Variants in FEZ2 observed in about 807,000 individuals in gnomAD.
FEZ2 encodes the protein fasciculation and elongation protein zeta 2.
Under a neutral mutation model 40.4 loss-of-function variants are expected in FEZ2, and 51 were observed. The observed-to-expected ratio is 1.26, with a 90% CI of 1.01 to 1.59. The LOEUF is 1.59. FEZ2 is among the 40% of genes most tolerant of loss of function. The pLI, the probability that FEZ2 is intolerant of heterozygous loss-of-function variation, is 0.00. For missense variants in FEZ2, 640 were observed against 438.3 expected (o/e 1.46, Z -4.11); for synonymous variants, 242 against 172.0 (o/e 1.41, Z -3.18).
At chr2:36,582,073 C>T (rs1668766087) in intron 3 of FEZ2, among the ~76,000 whole-genome samples, 1 of 152,096 alleles carries the variant, frequency 6.6e-6, no homozygotes, top group African/African-American at 2.4e-5. Context: ...TGACTTTAAA[C>T]AATGATCTAC....
intron 5 of FEZ2, among the ~76,000 whole-genome samples, chr2:36,562,619 T>G (rs1268274098): frequency 6.6e-6 from 1 of 152,246 alleles, no homozygotes; most frequent in African/African-American, 2.4e-5. Flanking sequence ...AAAGCATAAC[T>G]ATTAGCTTTG....
Position 36,578,397 on chromosome 2 carries a change from G to A in FEZ2, c.903+200C>T, listed in dbSNP as rs530262724. 1.7e-4 allele frequency among the ~76,000 whole-genome samples: 26 copies of A among 152,268 alleles called. No homozygotes were observed. The South Asian group carries it at 5.4e-3, about 32-fold the overall frequency. On this transcript the variant is annotated intron_variant, in intron 5 of 7. Transcript: ENST00000405912. ...CATTTCAGTATTATTCAGATAACCA[G>A]TACACCCTAGTCAAGAAAACGACTT... is the stretch of plus-strand genomic sequence containing the variant.
intron 1 of FEZ2, among the ~76,000 whole-genome samples, chr2:36,596,890 A>G (rs915259770): frequency 9.2e-5 from 14 of 152,260 alleles, no homozygotes; most frequent in Middle Eastern, 3.4e-3. Context: ...AAACCATGGT[A>G]CCTAATTACA....
chr2:36,594,478 G>A (rs1029802932), intron 1 of FEZ2: 7 of 199,050 alleles, frequency 3.5e-5, no homozygotes, highest in South Asian at 2.2e-4. Context: ...CTTACATGGC[G>A]GCAGCAAGGG....
At chr2:36,589,338 A>T (rs1046804369) in intron 2 of FEZ2, among the ~76,000 whole-genome samples, 62 of 152,164 alleles carry the variant, frequency 4.1e-4, no homozygotes, top group Non-Finnish European at 6.0e-4. Context: ...TCACAACCCC[A>T]CAAGTGCCAT....
intron 1 of FEZ2, 122 bp downstream of exon 1, chr2:36,597,755 G>C: frequency 1.4e-6 from 1 of 697,136 alleles, no homozygotes; most frequent in Non-Finnish European, 2.0e-6. Flanking sequence ...GAGGCGAGAG[G>C]GCGGGGACTC....
At position 36,552,922 on chromosome 2, in the gene FEZ2, A is replaced by T. The variant is rs1667855700; in HGVS notation, c.*241T>A. ...AATTAATATTACTCTCTCTTAATCTACTAAGAGAACAGTTTATTAGTAGAT... is the reference window on the plus strand; with the variant it reads ...AATTAATATTACTCTCTCTTAATCTTCTAAGAGAACAGTTTATTAGTAGAT... On this transcript the variant is annotated 3_prime_UTR_variant, in exon 8 of 8. Coordinates refer to ENST00000405912, the MANE Select transcript of FEZ2 (RefSeq NM_005102.3). The T allele has an allele frequency of 2.0e-6, 1 of 511,524 alleles. No individual in the cohort carries two copies. Among genetic ancestry groups the T allele is most frequent in the Non-Finnish European group, 3.5e-6 (1 of 285,956 alleles). 31.7% of individuals were successfully genotyped at this position (511,524 alleles called of 1,614,324 possible).
intron 5 of FEZ2, chr2:36,558,776 A>G (rs998467655): frequency 4.8e-5 from 13 of 269,480 alleles, no homozygotes; most frequent in Non-Finnish European, 8.3e-5. Flanking sequence ...TGAAAATTTC[A>G]TAGGACTAAG....
At chr2:36,579,006 T>C in intron 4 of FEZ2, 141 bp from the exon 5 acceptor site, 2 of 685,428 alleles carry the variant, frequency 2.9e-6, no homozygotes, top group Non-Finnish European at 4.9e-6. Flanking sequence ...AGCAATTAAA[T>C]TGACTGTGGG....
intron 5 of FEZ2, among the ~76,000 whole-genome samples, chr2:36,570,908 C>G (rs1321003460): frequency 1.3e-5 from 2 of 152,184 alleles, no homozygotes; most frequent in Non-Finnish European, 2.9e-5. Flanking sequence ...AAGAAGAACA[C>G]AATTTCCTGG....
chr2:36,595,144 A>C lies in FEZ2; in HGVS notation c.266+2733T>G, dbSNP rs1020847170. On this transcript the variant is annotated intron_variant, in intron 1 of 7. Transcript: ENST00000405912. ...CGTAAATACAATCCATATTTAACCA[A>C]AACAAAAGCTGAGGCTCAGAGAAGT... 5.0e-4 allele frequency among the ~76,000 whole-genome samples: 76 copies of C among 152,188 alleles called. 1 individual carries two copies. Among genetic ancestry groups the C allele is most frequent in the Admixed American group, 9.2e-4 (14 of 15,278 alleles).
chr2:36,575,888 T>C (rs140765026), intron 5 of FEZ2, among the ~76,000 whole-genome samples: 1 of 151,966 alleles, frequency 6.6e-6, no homozygotes, highest in African/African-American at 2.4e-5. Flanking sequence ...CAGTGAAACA[T>C]ACATGAAGAA....
At chr2:36,575,628 TA>T in intron 5 of FEZ2, among the ~76,000 whole-genome samples, 1 of 152,358 alleles carries the variant, frequency 6.6e-6, no homozygotes, top group Non-Finnish European at 1.5e-5. Context: ...TTCACTTTTA[TA>T]AGATAATACT....
chr2:36,579,529 G>A (rs1668673169), intron 4 of FEZ2, among the ~76,000 whole-genome samples: 1 of 151,932 alleles, frequency 6.6e-6, no homozygotes, highest in Admixed American at 6.6e-5. Flanking sequence ...AGACCTGGTT[G>A]TTTAAAAGTG....
At chr2:36,589,877 A>T (rs951538702) in intron 2 of FEZ2, 1 of 152,242 alleles carries the variant, frequency 6.6e-6, no homozygotes, top group South Asian at 2.1e-4. Flanking sequence ...CAATAATCAC[A>T]TAATTACACT....
chr2:36,589,138 G>C (rs1178631967), intron 2 of FEZ2, among the ~76,000 whole-genome samples: 2 of 152,192 alleles, frequency 1.3e-5, no homozygotes, highest in African/African-American at 2.4e-5. Flanking sequence ...GCCAGGAACA[G>C]TATAGTTACT....
At chr2:36,558,763 T>C in intron 5 of FEZ2, 1 of 282,940 alleles carries the variant, frequency 3.5e-6, no homozygotes, top group Non-Finnish European at 6.5e-6. Context: ...GCATTTCAGT[T>C]ATTGAAAATT....
intron 5 of FEZ2, among the ~76,000 whole-genome samples, chr2:36,562,425 A>G (rs943329226): frequency 5.3e-5 from 8 of 152,202 alleles, no homozygotes; most frequent in African/African-American, 1.9e-4. Flanking sequence ...ATGTAACTCT[A>G]TGGAGTTACT....
intron 5 of FEZ2, chr2:36,560,749 A>T (rs746190039): frequency 7.4e-7 from 1 of 1,350,744 alleles, no homozygotes; most frequent in Non-Finnish European, 1.1e-6. Context: ...GAAAATGAAA[A>T]AGCAGAGAAT....
Sources: allele counts gnomAD v4.1 joint callset (sites outside exome capture counted in the v4.1 genomes callset), GRCh38; gene constraint gnomAD v4.1.1; transcripts MANE v1.5; gene names NCBI Gene and HGNC (gene_info 2026-07-23, HGNC 2026-07-21).